The following SF3A1 variants were observed in gnomAD, a reference collection of about 807,000 sequenced individuals.
SF3A1 encodes SAP 114.
SF3A1 carries 13 observed loss-of-function variants against 89.9 expected under a neutral mutation model. The observed-to-expected ratio is 0.14, with a 90% CI of 0.09 to 0.23. The LOEUF is 0.23. Ranked by LOEUF, SF3A1 falls within the 10% of genes least tolerant of loss-of-function variation. The pLI is 1.00. For missense variants in SF3A1, 604 were observed against 1,022.1 expected, an observed-to-expected ratio of 0.59 and a Z score of 5.58; for synonymous variants, 405 against 374.4, an observed-to-expected ratio of 1.08 and a Z score of -0.94.
rs749345332 is a variant in SF3A1 at position 30,335,691 on chromosome 22, A to T, written c.2169T>A (p.Asn723Lys). 6.2e-7 allele frequency: 1 copy of T among 1,614,224 alleles called. No individual in the cohort carries two copies. The highest frequency in any genetic ancestry group is 1.1e-5 in the South Asian group (1 of 91,078). Residue 723 changes from asparagine (N) to lysine (K), a missense_variant, in exon 14 of 16, where the codon AAT becomes AAA. Physicochemically the swap from Asn to Lys is moderately conservative, Grantham distance 94. Coordinates refer to ENST00000215793, the MANE Select transcript of SF3A1 (RefSeq NM_005877.6). Reference sequence around the variant, plus strand: ...GGAGGGTGAAGACCAGCACCTGCCCATTCAGTTTCCATTCCGTCTTATCCT... The same window carrying T: ...GGAGGGTGAAGACCAGCACCTGCCCTTTCAGTTTCCATTCCGTCTTATCCT... ...NMQDKTEWKL[N>K]GQVLVFTLPL...
At chr22:30,351,446 T>G (rs1167382682) in intron 2 of SF3A1, among the ~76,000 whole-genome samples, 2 of 152,226 alleles carry the variant, frequency 1.3e-5, no homozygotes, top group African/African-American at 4.8e-5. Context: ...GAACACATGC[T>G]GATTGGGCCT....
Position 30,334,364 on chromosome 22 carries a change from T to C in SF3A1, c.*230A>G. 1 of 415,402 alleles carries C rather than the reference T, an allele frequency of 2.4e-6. No individual in the cohort carries two copies. Among genetic ancestry groups the C allele is most frequent in the Non-Finnish European group, 4.3e-6 (1 of 234,122 alleles). The allele number at this position is 415,402 out of a possible 1,614,324, so 25.7% of individuals were successfully genotyped here. A position where few individuals can be genotyped will look rare whatever the true frequency, so the allele number is the denominator to read the frequency against. ...AATGAATGTCCTCAAATCGAGACCC[T>C]AACACAAAGAGATTCCAGAGAGTGG... is the stretch of plus-strand genomic sequence containing the variant. On this transcript the variant is annotated 3_prime_UTR_variant, in exon 16 of 16. Transcript: ENST00000215793.
intron 4 of SF3A1, 86 bp downstream of exon 4, chr22:30,344,847 T>A: frequency 6.7e-7 from 1 of 1,485,656 alleles, no homozygotes; most frequent in South Asian, 1.3e-5. Context: ...GATGTCCTTG[T>A]AGACAGTGAG....
chr22:30,349,723 C>A (rs570411439), intron 2 of SF3A1, among the ~76,000 whole-genome samples: 3 of 149,702 alleles, frequency 2.0e-5, no homozygotes, highest in South Asian at 4.2e-4. Context: ...CTGGAGTACG[C>A]TGGCATGATC....
chr22:30,341,605 G>A lies in SF3A1; in HGVS notation c.1071+87C>T, dbSNP rs1931256330. On this transcript the variant is annotated intron_variant, in intron 7 of 15. Transcript: ENST00000215793. ...CACGCCTCCTTTCAAGGCTCACAGG[G>A]GAGCTGGATCTGACTGGTGGAGAGC... The A allele has an allele frequency of 3.2e-6, 3 of 946,892 alleles. No individual in the cohort carries two copies. In the South Asian group the frequency reaches 4.7e-5, roughly 15 times the overall value. The allele number at this position is 946,892 out of a possible 1,614,324, so 58.7% of individuals were successfully genotyped here. A position where few individuals can be genotyped will look rare whatever the true frequency, so the allele number is the denominator to read the frequency against.
chr22:30,353,098 G>A lies in SF3A1; in HGVS notation c.64-26C>T, dbSNP rs372110054. The stretch of plus-strand genomic sequence containing the variant: ...CTGTGCAAACAGGAAAAGAAATAAG[G>A]TTTTAAAGTCCCTGGTTCAGAGCAG... On this transcript the variant is annotated intron_variant, in intron 1 of 15. Coordinates refer to ENST00000215793, the MANE Select transcript of SF3A1 (RefSeq NM_005877.6). The A allele has an allele frequency of 6.2e-6, 10 of 1,612,146 alleles. No individual in the cohort carries two copies. In the African/African-American group the frequency reaches 1.3e-4, roughly 22 times the overall value.
chr22:30,342,582 G>C lies in SF3A1; in HGVS notation c.726+223C>G, dbSNP rs537403578. Reference sequence around the variant, plus strand: ...TGGCCTTCTGTCTTCTAGCTAGAGTGGAAAAGAGGGAGATATATTGAGGCT... The same window carrying C: ...TGGCCTTCTGTCTTCTAGCTAGAGTCGAAAAGAGGGAGATATATTGAGGCT... On this transcript the variant is annotated intron_variant, in intron 5 of 15. Transcript: ENST00000215793. The C allele has an allele frequency of 6.7e-5, 42 of 626,594 alleles. No homozygotes were observed. In the Admixed American group the frequency reaches 1.2e-3, roughly 18 times the overall value. 38.8% of individuals were successfully genotyped at this position (626,594 alleles called of 1,614,324 possible). A position where few individuals can be genotyped will look rare whatever the true frequency, so the allele number is the denominator to read the frequency against.
intron 12 of SF3A1, 63 bp from the exon 13 acceptor site, chr22:30,337,243 T>C: frequency 6.9e-7 from 1 of 1,456,766 alleles, no homozygotes; most frequent in Non-Finnish European, 9.3e-7. Flanking sequence ...TCAGGGCTGA[T>C]GAGAAGTTGA....
rs1262156966 is a variant in SF3A1 at position 30,335,516 on chromosome 22, A to G, written c.2231T>C (p.Ile744Thr). The G allele has an allele frequency of 6.2e-7, 1 of 1,614,164 alleles. No individual in the cohort carries two copies. The highest frequency in any genetic ancestry group is 8.5e-7 in the Non-Finnish European group (1 of 1,180,032). ...TDQVSVIKVK[I>T]HEATGMPAGK... ...TGCAGGCATGCCTGTGGCTTCATGAATCTTCACCTTAATGACAGAGACCTG... is the reference window on the plus strand; with the variant it reads ...TGCAGGCATGCCTGTGGCTTCATGAGTCTTCACCTTAATGACAGAGACCTG... The change falls in exon 15 of 16, where the codon ATT becomes ACT. Residue 744 changes from isoleucine to threonine, a missense_variant. Coordinates refer to ENST00000215793, the MANE Select transcript of SF3A1 (RefSeq NM_005877.6).
At position 30,342,214 on chromosome 22, in the gene SF3A1, TG is replaced by T; in HGVS notation, c.862del (p.Gln288AsnfsTer179). 6.2e-7 allele frequency: 1 copy of T among 1,614,202 alleles called. No individual in the cohort carries two copies. Among genetic ancestry groups the T allele is most frequent in the Non-Finnish European group, 8.5e-7 (1 of 1,180,036 alleles). On this transcript the variant is annotated frameshift_variant, in exon 6 of 16. Transcript: ENST00000215793. LOFTEE classifies it high-confidence loss of function. Reference sequence around the variant, plus strand: ...CACAGACCTACCTTGCTCATTGGGTTGGAAGTCCACTGTTTCCACCACCACA... The same window carrying T: ...CACAGACCTACCTTGCTCATTGGGTTGAAGTCCACTGTTTCCACCACCACA... ...DFVVVETVDF[Q>X]PNEQGNFPPP...
intron 1 of SF3A1, chr22:30,356,523 G>T (rs892373430): frequency 2.5e-6 from 1 of 405,630 alleles, no homozygotes. Context: ...TCGTGCCGAC[G>T]GGGCTGCTCC....
intron 1 of SF3A1, among the ~76,000 whole-genome samples, chr22:30,353,933 G>GCA (rs2145824731): frequency 6.6e-6 from 1 of 152,270 alleles, no homozygotes; most frequent in South Asian, 2.1e-4. Context: ...ACCCAGCGAT[G>GCA]GGCTTGGCAT....
intron 2 of SF3A1, among the ~76,000 whole-genome samples, chr22:30,347,896 C>A (rs1247244344): frequency 1.3e-5 from 2 of 152,216 alleles, no homozygotes; most frequent in East Asian, 3.8e-4. Flanking sequence ...GGCTGGAGTG[C>A]AGTGGTACAA....
At chr22:30,348,398 C>T (rs1931483448) in intron 2 of SF3A1, among the ~76,000 whole-genome samples, 1 of 152,226 alleles carries the variant, frequency 6.6e-6, no homozygotes, top group Non-Finnish European at 1.5e-5. Context: ...GTCCCAGCTA[C>T]TCAGGAGGCT....
rs1193492127 is a variant in SF3A1, at chr22:30,342,074, AG to A, written c.877+125del. 7.1e-6 allele frequency: 9 copies of A among 1,262,628 alleles called. No individual in the cohort carries two copies. The Admixed American group carries it at 1.7e-4, about 24-fold the overall frequency. 78.2% of individuals were successfully genotyped at this position (1,262,628 alleles called of 1,614,324 possible). Reference sequence around the variant, plus strand: ...GGTAGAACTGAAGTCTTTTGGGAGCAGGGAGGAGACAGCACTGATAAAGCCC... The same window carrying A: ...GGTAGAACTGAAGTCTTTTGGGAGCAGGAGGAGACAGCACTGATAAAGCCC... On this transcript the variant is annotated intron_variant, in intron 6 of 15. Transcript: ENST00000215793.
At position 30,351,879 on chromosome 22, in the gene SF3A1, A is replaced by G. The variant is rs1354802007; in HGVS notation, c.185+1072T>C. 3.3e-5 allele frequency among the ~76,000 whole-genome samples: 5 copies of G among 152,382 alleles called. No individual in the cohort carries two copies. In the East Asian group the frequency reaches 9.6e-4, roughly 29 times the overall value. ...CAAACAAAACATCTGTAGGCTGGAC[A>G]TGGACTGAGGGCTGCCAAAGGAATA... On this transcript the variant is annotated intron_variant, in intron 2 of 15. Transcript: ENST00000215793.
rs572964517 is a variant in SF3A1, at chr22:30,337,355, T to A, written c.1952-175A>T. On this transcript the variant is annotated intron_variant, in intron 12 of 15. Coordinates refer to ENST00000215793, the MANE Select transcript of SF3A1 (RefSeq NM_005877.6). ...TCCCTGGCAAGGGGACCTGGGAGGC[T>A]GCCCAGATTGGACAGCAGAGGACTG... Among the ~76,000 whole-genome samples the A allele has an allele frequency of 3.9e-5, 6 of 152,304 alleles. No homozygotes were observed. The South Asian group carries it at 1.2e-3, about 32-fold the overall frequency.
intron 4 of SF3A1, 148 bp from the exon 5 acceptor site, chr22:30,343,027 G>T (rs1037079125): frequency 7.3e-6 from 4 of 550,570 alleles, no homozygotes; most frequent in Admixed American, 6.6e-5. Flanking sequence ...GTGGGACTTA[G>T]GGCAAGTTAC....
At chr22:30,342,651 C>T (rs1931297066) in intron 5 of SF3A1, 154 bp downstream of exon 5, 2 of 644,822 alleles carry the variant, frequency 3.1e-6, no homozygotes, top group Admixed American at 5.6e-5. Context: ...AGCATCCGGA[C>T]TCCAGGTTTC....
Sources: allele counts gnomAD v4.1 joint callset (sites outside exome capture counted in the v4.1 genomes callset), GRCh38; gene constraint gnomAD v4.1.1; transcripts MANE v1.5; gene names NCBI Gene and HGNC (gene_info 2026-07-23, HGNC 2026-07-21).